Variants in KHDRBS2 observed in about 807,000 individuals in gnomAD.
KHDRBS2 encodes the protein KH domain-containing, RNA-binding, signal transduction-associated protein 2.
A neutral mutation model predicts 44.3 loss-of-function variants in KHDRBS2; 26 were observed. That is an observed-to-expected ratio of 0.59 (90% CI 0.43 to 0.81). KHDRBS2 has a LOEUF of 0.81. Ranked by LOEUF, KHDRBS2 falls within the 40% of genes least tolerant of loss-of-function variation. The pLI is 0.00. For synonymous variants in KHDRBS2, 194 were observed against 151.1 expected (o/e 1.28, Z -2.08); for missense variants, 476 against 433.1 (o/e 1.10, Z -0.88).
At chr6:61,993,002 A>G (rs1468194439) in intron 3 of KHDRBS2, among the ~76,000 whole-genome samples, 2 of 152,162 alleles carry the variant, frequency 1.3e-5, no homozygotes, top group Non-Finnish European at 2.9e-5. Flanking sequence ...CTAAGCTTCA[A>G]GCGCAGTTGC....
the KHDRBS2 span, among the ~76,000 whole-genome samples, chr6:61,656,879 C>T: frequency 6.1e-4 from 93 of 151,974 alleles, no homozygotes; most frequent in African/African-American, 2.2e-3. Context: ...TTTATGCCAC[C>T]CAATATGAAT....
intron 7 of KHDRBS2, among the ~76,000 whole-genome samples, chr6:61,706,842 A>G (rs1432364044): frequency 2.0e-5 from 3 of 151,806 alleles, no homozygotes. Flanking sequence ...GCCAGACATT[A>G]TTCAAAGTGT....
intron 6 of KHDRBS2, among the ~76,000 whole-genome samples, chr6:61,864,015 G>A (rs1334479105): frequency 6.6e-6 from 1 of 152,056 alleles, no homozygotes; most frequent in Non-Finnish European, 1.5e-5. Context: ...TTTTTTTGTT[G>A]AATTGAACTC....
chr6:61,865,367 C>T (rs1329341320), intron 6 of KHDRBS2, among the ~76,000 whole-genome samples: 1 of 152,108 alleles, frequency 6.6e-6, no homozygotes, highest in Non-Finnish European at 1.5e-5. Flanking sequence ...GGAGGCCTCA[C>T]AATCATGGTG....
chr6:61,894,612 A>G, intron 6 of KHDRBS2, 23 bp downstream of exon 6: 4 of 1,591,598 alleles, frequency 2.5e-6, no homozygotes, highest in Non-Finnish European at 3.4e-6. Flanking sequence ...CATCCTTACA[A>G]CTTATTTCTT....
chr6:61,713,191 C>T (rs919078663), intron 7 of KHDRBS2, among the ~76,000 whole-genome samples: 36 of 151,530 alleles, frequency 2.4e-4, no homozygotes, highest in Admixed American at 3.3e-4. Context: ...TACAGCATTG[C>T]AACTGGAGGA....
intron 2 of KHDRBS2, among the ~76,000 whole-genome samples, chr6:62,160,456 A>T (rs777365143): frequency 3.3e-5 from 5 of 152,166 alleles, no homozygotes; most frequent in Admixed American, 6.6e-5. Flanking sequence ...GGGTTGCTGC[A>T]CAAAATGAAT....
intron 4 of KHDRBS2, among the ~76,000 whole-genome samples, chr6:61,972,795 T>C (rs1473603572): frequency 6.6e-6 from 1 of 152,192 alleles, no homozygotes; most frequent in Admixed American, 6.6e-5. Flanking sequence ...TCAGTTACTT[T>C]TGCTGGCTGG....
intron 4 of KHDRBS2, among the ~76,000 whole-genome samples, chr6:61,929,756 T>C (rs1809666713): frequency 6.6e-6 from 1 of 152,174 alleles, no homozygotes. Context: ...AAAGAGATAT[T>C]ATTTTCCTTC....
chr6:61,656,020 T>C, the KHDRBS2 span, among the ~76,000 whole-genome samples: 1 of 152,098 alleles, frequency 6.6e-6, no homozygotes, highest in Admixed American at 6.6e-5. Context: ...TCATTTCAGA[T>C]ATGCAGTATA....
At chr6:61,802,292 T>C (rs1786407073) in intron 6 of KHDRBS2, among the ~76,000 whole-genome samples, 1 of 152,178 alleles carries the variant, frequency 6.6e-6, no homozygotes, top group South Asian at 2.1e-4. Flanking sequence ...AAATGTGTGA[T>C]AATAAGTCAA....
chr6:61,737,911 G>A (rs1775621548), intron 6 of KHDRBS2, among the ~76,000 whole-genome samples: 1 of 151,896 alleles, frequency 6.6e-6, no homozygotes, highest in Admixed American at 6.6e-5. Flanking sequence ...GTTTTTTTAA[G>A]TAAAAATATG....
At chr6:62,037,946 T>G (rs1785643401) in intron 3 of KHDRBS2, among the ~76,000 whole-genome samples, 3 of 152,056 alleles carry the variant, frequency 2.0e-5, no homozygotes, top group African/African-American at 7.2e-5. Context: ...GGAAATCTAT[T>G]CATAATGGGT....
the KHDRBS2 span, among the ~76,000 whole-genome samples, chr6:61,638,783 A>T: frequency 6.6e-6 from 1 of 152,150 alleles, no homozygotes; most frequent in African/African-American, 2.4e-5. Context: ...ATAAACTTCA[A>T]CATATTTTTA....
intron 2 of KHDRBS2, among the ~76,000 whole-genome samples, chr6:62,053,759 A>G (rs1789628751): frequency 6.6e-6 from 1 of 151,974 alleles, no homozygotes; most frequent in South Asian, 2.1e-4. Flanking sequence ...ACTAAGACAG[A>G]TAAATATTAT....
chr6:61,549,556 A>T, the KHDRBS2 span, among the ~76,000 whole-genome samples: 2 of 152,180 alleles, frequency 1.3e-5, no homozygotes, highest in Non-Finnish European at 2.9e-5. Context: ...CTCTAATAAC[A>T]GTAGGATCCT....
chr6:62,065,774 A>G (rs1245920350), intron 2 of KHDRBS2, among the ~76,000 whole-genome samples: 2 of 150,164 alleles, frequency 1.3e-5, no homozygotes, highest in East Asian at 3.9e-4. Context: ...CCTAAAACTT[A>G]AAGTATAAAA....
intron 1 of KHDRBS2, among the ~76,000 whole-genome samples, chr6:62,237,602 C>T (rs961020642): frequency 2.0e-5 from 3 of 151,968 alleles, no homozygotes; most frequent in African/African-American, 4.8e-5. Context: ...AAAGTATTAG[C>T]GTGAGAAGAT....
rs1491427493 is a variant in KHDRBS2, at chr6:61,955,477, CAT to C, written c.483+22587_483+22588del. ...ATATATACATATGTGTATATATACACATATGTATGTATGTATACATGTGTATA... is the reference window on the plus strand; with the variant it reads ...ATATATACATATGTGTATATATACACATGTATGTATGTATACATGTGTATA... On this transcript the variant is annotated intron_variant, in intron 4 of 8. Transcript: ENST00000281156. Among the ~76,000 whole-genome samples the C allele has an allele frequency of 5.7e-5, 2 of 35,030 alleles. 1 individual carries two copies. The allele number at this position is 35,030 out of a possible 152,430, so 23.0% of individuals were successfully genotyped here.
Sources: gnomAD v4.1 joint callset for allele counts (sites outside exome capture counted in the v4.1 genomes callset) on GRCh38, gnomAD v4.1.1 for gene constraint, MANE v1.5 for transcripts, NCBI Gene and HGNC (gene_info 2026-07-23, HGNC 2026-07-21) for gene names.